TMPRSS15: variants seen among roughly 807,000 people sequenced by gnomAD.
TMPRSS15 encodes the protein transmembrane serine protease 15, also known as enteropeptidase.
A neutral mutation model predicts 125.3 loss-of-function variants in TMPRSS15; 128 were observed. The observed-to-expected ratio is 1.02, with a 90% CI of 0.89 to 1.18. TMPRSS15 has a LOEUF of 1.18. TMPRSS15 is among the 50% of genes most tolerant of loss of function. TMPRSS15 has a pLI of 0.00. For synonymous variants in TMPRSS15, 446 were observed against 423.2 expected (o/e 1.05, Z -0.66); for missense variants, 1,283 against 1,212.7 (o/e 1.06, Z -0.86).
At chr21:18,430,474 A>G (rs2076214169) in intron 1 of TMPRSS15, among the ~76,000 whole-genome samples, 1 of 152,058 alleles carries the variant, frequency 6.6e-6, no homozygotes, top group Non-Finnish European at 1.5e-5. Flanking sequence ...GGATAGATTC[A>G]TTCTTTATCT....
intron 1 of TMPRSS15, among the ~76,000 whole-genome samples, chr21:18,472,504 CATAT>C (rs1978802292): frequency 6.7e-6 from 1 of 150,226 alleles, no homozygotes; most frequent in African/African-American, 2.4e-5. Context: ...CATACACACA[CATAT>C]ATAATCATTT....
At chr21:18,329,537 A>G (rs2075324674) in intron 14 of TMPRSS15, among the ~76,000 whole-genome samples, 1 of 151,386 alleles carries the variant, frequency 6.6e-6, no homozygotes, top group Non-Finnish European at 1.5e-5. Context: ...AGTATAATTG[A>G]TATTTTTATG....
chr21:18,450,347 G>C (rs1015998408), intron 1 of TMPRSS15, among the ~76,000 whole-genome samples: 3 of 151,872 alleles, frequency 2.0e-5, no homozygotes, highest in Non-Finnish European at 4.4e-5. Context: ...GTCGTAGTTT[G>C]AAAGGATCAA....
intron 6 of TMPRSS15, among the ~76,000 whole-genome samples, chr21:18,371,464 G>A (rs1341162187): frequency 6.6e-6 from 1 of 152,136 alleles, no homozygotes; most frequent in Non-Finnish European, 1.5e-5. Flanking sequence ...GCTATGAAAT[G>A]AAGAAATAAG....
At chr21:18,318,615 T>C (rs909343909) in intron 16 of TMPRSS15, among the ~76,000 whole-genome samples, 1 of 152,176 alleles carries the variant, frequency 6.6e-6, no homozygotes, top group Non-Finnish European at 1.5e-5. Flanking sequence ...ATATTATACT[T>C]GACTGTTCAT....
chr21:18,471,387 C>T (rs544640521), intron 1 of TMPRSS15, among the ~76,000 whole-genome samples: 4 of 151,904 alleles, frequency 2.6e-5, no homozygotes, highest in South Asian at 2.1e-4. Context: ...GAACTTTTTA[C>T]AGCCAAATAC....
intron 9 of TMPRSS15, among the ~76,000 whole-genome samples, chr21:18,353,432 T>C (rs1226866153): frequency 2.0e-5 from 3 of 151,924 alleles, no homozygotes; most frequent in African/African-American, 7.2e-5. Context: ...TTCTCTGAAT[T>C]AGTTTTATGC....
At chr21:18,321,275 T>C (rs2075231504) in intron 16 of TMPRSS15, among the ~76,000 whole-genome samples, 1 of 151,926 alleles carries the variant, frequency 6.6e-6, no homozygotes, top group Non-Finnish European at 1.5e-5. Context: ...TGTGTTAAAT[T>C]TCAACTGGAT....
intron 21 of TMPRSS15, among the ~76,000 whole-genome samples, chr21:18,293,539 G>A (rs1323580734): frequency 1.3e-5 from 2 of 152,158 alleles, no homozygotes; most frequent in African/African-American, 4.8e-5. Context: ...ACTATCTAGA[G>A]AGGTGGCATC....
At chr21:18,314,751 A>AG (rs1310659139) in intron 17 of TMPRSS15, among the ~76,000 whole-genome samples, 1 of 152,204 alleles carries the variant, frequency 6.6e-6, no homozygotes, top group East Asian at 1.9e-4. Flanking sequence ...TCAGCAGGGC[A>AG]GGGGGAGAAA....
At chr21:18,325,525 A>C (rs550693521) in intron 16 of TMPRSS15, among the ~76,000 whole-genome samples, 1 of 152,270 alleles carries the variant, frequency 6.6e-6, no homozygotes, top group East Asian at 1.9e-4. Flanking sequence ...GTATTAGATA[A>C]TAGGCCAGAT....
At chr21:18,408,597 A>G (rs1270471658), upstream of TMPRSS15, among the ~76,000 whole-genome samples, 2 of 152,162 alleles carry the variant, frequency 1.3e-5, no homozygotes, top group East Asian at 1.9e-4. Flanking sequence ...TTGACTTTCT[A>G]TATAATTTTA....
At chr21:18,438,253 A>G (rs968999416) in intron 1 of TMPRSS15, among the ~76,000 whole-genome samples, 4 of 146,086 alleles carry the variant, frequency 2.7e-5, no homozygotes, top group Admixed American at 2.1e-4. Flanking sequence ...GCATATTCTC[A>G]CTCATAGATG....
upstream of TMPRSS15, among the ~76,000 whole-genome samples, chr21:18,406,237 GCTATCCCACTTAGGGGGAAAT>G (rs2076151623): frequency 6.6e-6 from 1 of 152,096 alleles, no homozygotes; most frequent in Non-Finnish European, 1.5e-5. Flanking sequence ...GCGTGTCAGA[GCTATCCCACTTAGGGGGAAAT>G]AGAGTGGAAT....
intron 1 of TMPRSS15, among the ~76,000 whole-genome samples, chr21:18,411,872 G>T (rs2076166693): frequency 6.6e-6 from 1 of 152,082 alleles, no homozygotes; most frequent in Admixed American, 6.5e-5. Flanking sequence ...TCTTCTGAAG[G>T]GAAGAACTCT....
intron 1 of TMPRSS15, among the ~76,000 whole-genome samples, chr21:18,447,493 G>A (rs924281419): frequency 2.7e-5 from 4 of 149,042 alleles, no homozygotes; most frequent in African/African-American, 9.8e-5. Flanking sequence ...ATTAAAAATG[G>A]TCAACATAAC....
intron 3 of TMPRSS15, among the ~76,000 whole-genome samples, chr21:18,391,723 C>G (rs2075992376): frequency 6.6e-6 from 1 of 152,190 alleles, no homozygotes; most frequent in African/African-American, 2.4e-5. Flanking sequence ...CCAGGGGGGA[C>G]TCTGTGTGGG....
At chr21:18,444,368 C>T (rs371082682) in intron 1 of TMPRSS15, among the ~76,000 whole-genome samples, 2 of 152,162 alleles carry the variant, frequency 1.3e-5, no homozygotes, top group Admixed American at 6.5e-5. Context: ...TCATTCTCTG[C>T]AAACTGTCAC....
At chr21:18,469,267 A>C (rs1176436417) in intron 1 of TMPRSS15, among the ~76,000 whole-genome samples, 1 of 152,154 alleles carries the variant, frequency 6.6e-6, no homozygotes, top group Non-Finnish European at 1.5e-5. Context: ...TTGAATGCCT[A>C]AATTTAGGCT....
Sources: allele counts gnomAD v4.1 joint callset (sites outside exome capture counted in the v4.1 genomes callset), GRCh38; gene constraint gnomAD v4.1.1; transcripts MANE v1.5; gene names NCBI Gene and HGNC (gene_info 2026-07-23, HGNC 2026-07-21).